Variants in PRKCZ observed in about 807,000 individuals in gnomAD.
PRKCZ encodes protein kinase C zeta type.
PRKCZ carries 33 observed loss-of-function variants against 79.5 expected under a neutral mutation model. The ratio of observed to expected loss-of-function variants is 0.41; its 90% CI spans 0.31 to 0.55. The LOEUF (loss-of-function observed/expected upper bound fraction) is 0.55, where lower values mean the gene tolerates loss of function less well. Among genes scored for constraint, PRKCZ ranks in the 20% least tolerant of loss-of-function variants. PRKCZ has a pLI of 0.19. For missense variants in PRKCZ, 578 were observed against 813.5 expected, an observed-to-expected ratio of 0.71 and a Z score of 3.52; for synonymous variants, 342 against 320.9, an observed-to-expected ratio of 1.07 and a Z score of -0.70.
chr1:2,058,375 G>A (rs1557474873), intron 3 of PRKCZ, among the ~76,000 whole-genome samples: 1 of 151,342 alleles, frequency 6.6e-6, no homozygotes. Context: ...TTACTCGGGA[G>A]GCTGAGGTGG....
At chr1:2,163,909 A>G (rs1682814284) in intron 10 of PRKCZ, among the ~76,000 whole-genome samples, 1 of 151,090 alleles carries the variant, frequency 6.6e-6, no homozygotes, top group Non-Finnish European at 1.5e-5. Flanking sequence ...AAAAAAAAGA[A>G]AAAAAAAAGA....
chr1:2,088,242 C>T (rs2102455396), intron 4 of PRKCZ, among the ~76,000 whole-genome samples: 1 of 152,226 alleles, frequency 6.6e-6, no homozygotes, highest in Middle Eastern at 3.4e-3. Flanking sequence ...AGCTCTGCCC[C>T]CGTCTGTCCC....
At chr1:2,076,111 T>TGGGGCC (rs1662360694) in intron 4 of PRKCZ, among the ~76,000 whole-genome samples, 1 of 152,154 alleles carries the variant, frequency 6.6e-6, no homozygotes, top group African/African-American at 2.4e-5. Context: ...ATGGGCTGTT[T>TGGGGCC]GGGGCCGGGG....
chr1:2,152,809 C>T (rs947843404), intron 9 of PRKCZ, among the ~76,000 whole-genome samples: 1 of 152,258 alleles, frequency 6.6e-6, no homozygotes, highest in Non-Finnish European at 1.5e-5. Flanking sequence ...CATGTGGCCG[C>T]TCGCTCAGGC....
In PRKCZ at chr1:2,144,716, C is replaced by T. The variant is rs180886617; in HGVS notation, c.552+375C>T. The T allele has an allele frequency of 5.4e-4, 472 of 879,516 alleles. 2 individuals carry two copies. In the African/African-American group the frequency reaches 7.8e-3, roughly 14 times the overall value. The allele number at this position is 879,516 out of a possible 1,614,324, so 54.5% of individuals were successfully genotyped here. A position where few individuals can be genotyped will look rare whatever the true frequency, so the allele number is the denominator to read the frequency against. On this transcript the variant is annotated intron_variant, in intron 6 of 17. Coordinates refer to ENST00000378567, the MANE Select transcript of PRKCZ (RefSeq NM_002744.6). Reference sequence around the variant, plus strand: ...AGTAGCATTGGGCACGCTGAGGCTCCGAACATCTGGAGCCTCTCCCTGGCA... The same window carrying T: ...AGTAGCATTGGGCACGCTGAGGCTCTGAACATCTGGAGCCTCTCCCTGGCA...
intron 10 of PRKCZ, among the ~76,000 whole-genome samples, chr1:2,159,246 G>A (rs754600383): frequency 2.0e-5 from 3 of 152,258 alleles, no homozygotes; most frequent in Non-Finnish European, 4.4e-5. Flanking sequence ...AGCCAACATC[G>A]GCAAGGCGGC....
chr1:2,185,216 G>A lies in PRKCZ; in HGVS notation c.*207G>A. The stretch of plus-strand genomic sequence containing the variant: ...GGCCCGGGCAGGCCAGCTTCGTGCT[G>A]GAGGAACTTGCTGCTGTGCCTGCGT... On this transcript the variant is annotated 3_prime_UTR_variant, in exon 18 of 18. Coordinates refer to ENST00000378567, the MANE Select transcript of PRKCZ (RefSeq NM_002744.6). 2 of 707,304 alleles carry A rather than the reference G, an allele frequency of 2.8e-6. No individual in the cohort carries two copies. Among genetic ancestry groups the A allele is most frequent in the Non-Finnish European group, 5.2e-6 (2 of 383,304 alleles). 43.8% of individuals were successfully genotyped at this position (707,304 alleles called of 1,614,324 possible).
At chr1:2,067,451 C>G (rs1477205924) in intron 4 of PRKCZ, among the ~76,000 whole-genome samples, 1 of 152,204 alleles carries the variant, frequency 6.6e-6, no homozygotes, top group East Asian at 1.9e-4. Flanking sequence ...GTGATGAGAT[C>G]AGGAGCGCCT....
chr1:2,121,177 T>C (rs1216356121), intron 4 of PRKCZ, among the ~76,000 whole-genome samples: 5 of 152,190 alleles, frequency 3.3e-5, no homozygotes, highest in African/African-American at 9.7e-5. Context: ...CAAAATACTG[T>C]CATTACATCC....
chr1:2,108,157 C>A (rs1023240977), intron 4 of PRKCZ, among the ~76,000 whole-genome samples: 2 of 152,244 alleles, frequency 1.3e-5, no homozygotes, highest in East Asian at 3.8e-4. Flanking sequence ...AGGTAAATGC[C>A]GCACTCGAGT....
intron 4 of PRKCZ, 96 bp from the exon 5 acceptor site, chr1:2,135,166 C>T: frequency 9.1e-7 from 1 of 1,096,846 alleles, no homozygotes; most frequent in Admixed American, 2.3e-5. Context: ...GCTGCGGCCG[C>T]CACCACCTGG....
intron 4 of PRKCZ, among the ~76,000 whole-genome samples, chr1:2,093,961 C>G (rs939349266): frequency 2.6e-5 from 4 of 152,112 alleles, no homozygotes; most frequent in Admixed American, 2.6e-4. Flanking sequence ...GGGAGCCAGG[C>G]CAGCAGCTCC....
At chr1:2,080,500 T>C (rs561319893) in intron 4 of PRKCZ, among the ~76,000 whole-genome samples, 22 of 152,284 alleles carry the variant, frequency 1.4e-4, no homozygotes, top group African/African-American at 5.1e-4. Context: ...AGTTTTCAAA[T>C]GCTTGACCCA....
At chr1:2,103,124 C>A (rs1217855581) in intron 4 of PRKCZ, among the ~76,000 whole-genome samples, 1 of 152,166 alleles carries the variant, frequency 6.6e-6, no homozygotes, top group Non-Finnish European at 1.5e-5. Context: ...TTCGCCCGCC[C>A]AAAGTACTGG....
chr1:2,182,126 T>G (rs262688), intron 16 of PRKCZ: 65,559 of 269,674 alleles, frequency 0.24, 9,016 homozygotes, highest in Admixed American at 0.33. Flanking sequence ...GTTAGTAGAA[T>G]GGATGTGGGC....
rs375540064 is a variant in PRKCZ, at chr1:2,055,572, G to A, written c.193+10G>A. On this transcript the variant is annotated intron_variant, in intron 2 of 17. Transcript: ENST00000378567. Reference sequence around the variant, plus strand: ...TGGGTGGACAGCGAAGGTAGCCCTTGTCCCATGTTGGCCAGAATCCTCAGC... The same window carrying A: ...TGGGTGGACAGCGAAGGTAGCCCTTATCCCATGTTGGCCAGAATCCTCAGC... 1.9e-6 allele frequency: 3 copies of A among 1,610,948 alleles called. No individual in the cohort carries two copies. Among genetic ancestry groups the A allele is most frequent in the Non-Finnish European group, 1.7e-6 (2 of 1,178,436 alleles).
intron 1 of PRKCZ, among the ~76,000 whole-genome samples, chr1:2,054,069 T>G (rs1307512516): frequency 6.6e-6 from 1 of 152,172 alleles, no homozygotes; most frequent in Non-Finnish European, 1.5e-5. Flanking sequence ...GCCGCGGCTG[T>G]GGACCGATCC....
rs1329372082 is a variant in PRKCZ, at chr1:2,120,309, T to G, written c.335-14953T>G. ...TGACTTTTCGTTTTTTTTTTTTTTT[T>G]TTTTTTTTTTTTTGAGTCTCGCTCT... On this transcript the variant is annotated intron_variant, in intron 4 of 17. Coordinates refer to ENST00000378567, the MANE Select transcript of PRKCZ (RefSeq NM_002744.6). Among the ~76,000 whole-genome samples the G allele has an allele frequency of 1.6e-4, 21 of 133,988 alleles. 1 individual carries two copies. The South Asian group carries it at 3.7e-3, about 23-fold the overall frequency. The allele number at this position is 133,988 out of a possible 152,430, so 87.9% of individuals were successfully genotyped here.
At chr1:2,148,537 A>G (rs1316106807) in intron 7 of PRKCZ, among the ~76,000 whole-genome samples, 1 of 152,114 alleles carries the variant, frequency 6.6e-6, no homozygotes, top group African/African-American at 2.4e-5. Flanking sequence ...TCCCCCATCT[A>G]GTCATCCTCC....
Sources: allele counts gnomAD v4.1 joint callset (sites outside exome capture counted in the v4.1 genomes callset), GRCh38; gene constraint gnomAD v4.1.1; transcripts MANE v1.5; gene names NCBI Gene and HGNC (gene_info 2026-07-23, HGNC 2026-07-21).